Variants in GPC6 observed in about 807,000 individuals in gnomAD.
GPC6 encodes the protein glypican 6.
In GPC6, 14 loss-of-function variants were observed where a neutral mutation model predicts 55.2. The ratio of observed to expected loss-of-function variants is 0.25; its 90% CI spans 0.17 to 0.40. GPC6 has a LOEUF of 0.40. Among genes scored for constraint, GPC6 ranks in the 10% least tolerant of loss-of-function variants. The pLI, the probability that GPC6 is intolerant of heterozygous loss-of-function variation, is 1.00. For missense variants in GPC6, 641 were observed against 708.5 expected (o/e 0.90, Z 1.08); for synonymous variants, 278 against 259.6 (o/e 1.07, Z -0.68).
chr13:93,869,413 G>A (rs968431290), intron 3 of GPC6, among the ~76,000 whole-genome samples: 1 of 151,854 alleles, frequency 6.6e-6, no homozygotes, highest in Non-Finnish European at 1.5e-5. Context: ...CCATGAGGCT[G>A]TCATAGCTAA....
chr13:94,288,885 A>AATATATATAACAAATATATATTTGTT (rs1874741066), intron 5 of GPC6, among the ~76,000 whole-genome samples: 1 of 33,392 alleles, frequency 3.0e-5, no homozygotes, highest in Non-Finnish European at 5.0e-5. Flanking sequence ...ATATATAACT[A>AATATATATAACAAATATATATTTGTT]ATATATATAA....
chr13:94,027,950 T>C, intron 4 of GPC6, 56 bp downstream of exon 4: 1 of 1,439,874 alleles, frequency 6.9e-7, no homozygotes, highest in South Asian at 1.1e-5. Flanking sequence ...CAAGTGTTTA[T>C]GGGGCTTGAT....
chr13:93,806,391 G>A (rs1264041719), intron 2 of GPC6, among the ~76,000 whole-genome samples: 1 of 152,116 alleles, frequency 6.6e-6, no homozygotes, highest in Non-Finnish European at 1.5e-5. Flanking sequence ...AGGCTGGAGG[G>A]CAATGGCGCA....
chr13:94,074,234 A>C (rs940298649), intron 4 of GPC6, among the ~76,000 whole-genome samples: 2 of 152,202 alleles, frequency 1.3e-5, no homozygotes, highest in Admixed American at 1.3e-4. Flanking sequence ...TTCATATTCA[A>C]TAGCTCAGTA....
At chr13:94,290,551 T>C (rs759514547) in intron 5 of GPC6, among the ~76,000 whole-genome samples, 3 of 152,122 alleles carry the variant, frequency 2.0e-5, no homozygotes, top group African/African-American at 7.2e-5. Flanking sequence ...TGTATATACA[T>C]GTGATGTTAC....
At chr13:94,038,822 C>T (rs1883428219) in intron 4 of GPC6, among the ~76,000 whole-genome samples, 1 of 151,832 alleles carries the variant, frequency 6.6e-6, no homozygotes, top group Non-Finnish European at 1.5e-5. Context: ...AGGAAAACAT[C>T]AAGACACCAG....
chr13:93,938,951 A>C (rs974040913), intron 3 of GPC6, among the ~76,000 whole-genome samples: 4 of 151,968 alleles, frequency 2.6e-5, no homozygotes, highest in Non-Finnish European at 5.9e-5. Flanking sequence ...AAAATACAAA[A>C]TTTAGCTGTG....
intron 3 of GPC6, among the ~76,000 whole-genome samples, chr13:93,999,794 C>T (rs151284313): frequency 6.6e-6 from 1 of 152,260 alleles, no homozygotes; most frequent in African/African-American, 2.4e-5. Flanking sequence ...TAGAGGGATT[C>T]TGTTAGAGAT....
intron 7 of GPC6, among the ~76,000 whole-genome samples, chr13:94,391,401 A>T (rs1880638136): frequency 6.6e-6 from 1 of 152,176 alleles, no homozygotes; most frequent in Non-Finnish European, 1.5e-5. Context: ...TGACCCAGTC[A>T]TACATAGCCC....
intron 2 of GPC6, among the ~76,000 whole-genome samples, chr13:93,705,542 G>C (rs1338950163): frequency 6.6e-6 from 1 of 151,840 alleles, no homozygotes; most frequent in Non-Finnish European, 1.5e-5. Context: ...CTCAAATCTT[G>C]GGAAGACTAG....
chr13:94,329,383 G>A (rs1339640413), intron 6 of GPC6, among the ~76,000 whole-genome samples: 4 of 152,100 alleles, frequency 2.6e-5, no homozygotes, highest in Admixed American at 6.5e-5. Flanking sequence ...GAAGGATGTC[G>A]TTCCCAGCAG....
At chr13:93,420,800 G>A (rs1308165937) in intron 1 of GPC6, among the ~76,000 whole-genome samples, 4 of 152,040 alleles carry the variant, frequency 2.6e-5, no homozygotes, top group Non-Finnish European at 4.4e-5. Flanking sequence ...TAAGTCCTGG[G>A]GATACCATGG....
chr13:93,770,397 G>A (rs1400067022), intron 2 of GPC6, among the ~76,000 whole-genome samples: 2 of 152,054 alleles, frequency 1.3e-5, no homozygotes, highest in Non-Finnish European at 2.9e-5. Flanking sequence ...TGGCTTCCTG[G>A]AATACTAATC....
chr13:94,151,811 G>A (rs1307346379), intron 4 of GPC6, among the ~76,000 whole-genome samples: 1 of 152,052 alleles, frequency 6.6e-6, no homozygotes, highest in Non-Finnish European at 1.5e-5. Flanking sequence ...TTATGAGTAT[G>A]CACACAAAGG....
At chr13:94,238,487 T>C (rs1890948370) in intron 4 of GPC6, among the ~76,000 whole-genome samples, 1 of 152,112 alleles carries the variant, frequency 6.6e-6, no homozygotes, top group Non-Finnish European at 1.5e-5. Flanking sequence ...AAGGGCACAG[T>C]GGGCTTTCAC....
At chr13:93,657,325 A>G (rs1880718012) in intron 2 of GPC6, among the ~76,000 whole-genome samples, 2 of 152,128 alleles carry the variant, frequency 1.3e-5, no homozygotes, top group Admixed American at 6.6e-5. Context: ...TTCTTCAACA[A>G]AGTTAACAAA....
chr13:94,144,556 TGTGTG>T (rs1887497038), intron 4 of GPC6, among the ~76,000 whole-genome samples: 1 of 147,910 alleles, frequency 6.8e-6, no homozygotes, highest in African/African-American at 2.5e-5. Flanking sequence ...TATGTGTGTG[TGTGTG>T]TGTGTGTGTG....
rs778553904 is a variant in GPC6 at position 94,060,950 on chromosome 13, A to G, written c.877+33056A>G. ...TCATCTTGTAAAAGGGTAAGTTGCT[A>G]AACTTTGATTAAAAATCAGACACAG... On this transcript the variant is annotated intron_variant, in intron 4 of 8. Transcript: ENST00000377047. 2.6e-5 allele frequency among the ~76,000 whole-genome samples: 4 copies of G among 152,192 alleles called. No homozygotes were observed. In the East Asian group the frequency reaches 7.7e-4, roughly 29 times the overall value.
At chr13:94,032,956 A>G (rs1883196975) in intron 4 of GPC6, among the ~76,000 whole-genome samples, 1 of 152,178 alleles carries the variant, frequency 6.6e-6, no homozygotes, top group Non-Finnish European at 1.5e-5. Flanking sequence ...AGTCCAACAC[A>G]TGTTTACTAA....
Sources: allele counts gnomAD v4.1 joint callset (sites outside exome capture counted in the v4.1 genomes callset), GRCh38; gene constraint gnomAD v4.1.1; transcripts MANE v1.5; gene names NCBI Gene and HGNC (gene_info 2026-07-23, HGNC 2026-07-21).